The following SOX6 variants were observed in gnomAD, a reference collection of about 807,000 sequenced individuals.
The protein encoded by SOX6 is transcription factor SOX-6.
A neutral mutation model predicts 97.8 loss-of-function variants in SOX6; 11 were observed. That is an observed-to-expected ratio of 0.11 (90% confidence interval 0.07 to 0.19). The LOEUF is 0.19. Ranked by LOEUF, SOX6 falls within the 10% of genes least tolerant of loss-of-function variation. The pLI, the probability that SOX6 is intolerant of heterozygous loss-of-function variation, is 1.00. For missense variants in SOX6, 810 were observed against 1,039.5 expected, an observed-to-expected ratio of 0.78 and a Z score of 3.04; for synonymous variants, 360 against 371.4, an observed-to-expected ratio of 0.97 and a Z score of 0.35.
intron 4 of SOX6, among the ~76,000 whole-genome samples, chr11:16,211,216 G>T (rs1852217878): frequency 6.6e-6 from 1 of 152,050 alleles, no homozygotes; most frequent in South Asian, 2.1e-4. Flanking sequence ...TAAGCACTCT[G>T]GCCTTTACTT....
intron 4 of SOX6, chr11:16,484,261 G>T: frequency 9.1e-7 from 1 of 1,095,284 alleles, no homozygotes; most frequent in Non-Finnish European, 1.4e-6. Flanking sequence ...TGTCCAGAAT[G>T]TTGGTGTCAC....
intron 4 of SOX6, among the ~76,000 whole-genome samples, chr11:16,544,010 A>G (rs1356978573): frequency 6.6e-6 from 1 of 152,218 alleles, no homozygotes; most frequent in East Asian, 1.9e-4. Context: ...AAATTGAGGT[A>G]GAGCTACACA....
chr11:16,050,579 A>G (rs748909724), intron 10 of SOX6, among the ~76,000 whole-genome samples: 2 of 152,180 alleles, frequency 1.3e-5, no homozygotes, highest in Non-Finnish European at 2.9e-5. Flanking sequence ...TACACATACT[A>G]TGCTATATGC....
intron 1 of SOX6, among the ~76,000 whole-genome samples, chr11:16,362,609 G>A (rs1857237574): frequency 6.6e-6 from 1 of 151,966 alleles, no homozygotes; most frequent in Admixed American, 6.6e-5. Context: ...GCATTGCATG[G>A]TATGCTGTAT....
chr11:16,591,338 G>T (rs1315390198), intron 4 of SOX6, among the ~76,000 whole-genome samples: 2 of 103,522 alleles, frequency 1.9e-5, no homozygotes, highest in African/African-American at 3.9e-5. Flanking sequence ...TAGATAGATA[G>T]ATAGATAGAT....
At chr11:16,066,597 C>T (rs1848099742) in intron 9 of SOX6, among the ~76,000 whole-genome samples, 1 of 152,108 alleles carries the variant, frequency 6.6e-6, no homozygotes, top group African/African-American at 2.4e-5. Context: ...TCATTTGCAA[C>T]AACATGATGG....
At chr11:16,490,842 A>T (rs189563310) in intron 4 of SOX6, among the ~76,000 whole-genome samples, 1 of 152,184 alleles carries the variant, frequency 6.6e-6, no homozygotes, top group East Asian at 1.9e-4. Flanking sequence ...ATCATCAACA[A>T]ATTTGACCTA....
At chr11:16,221,430 T>C (rs974697026) in intron 4 of SOX6, among the ~76,000 whole-genome samples, 1 of 150,366 alleles carries the variant, frequency 6.7e-6, no homozygotes, top group Non-Finnish European at 1.5e-5. Flanking sequence ...TGTGATGAAA[T>C]GAGAAGCACT....
chr11:16,550,852 A>G (rs1452095930), intron 4 of SOX6, among the ~76,000 whole-genome samples: 1 of 152,234 alleles, frequency 6.6e-6, no homozygotes, highest in African/African-American at 2.4e-5. Flanking sequence ...AGCTATTTAA[A>G]CAACAGTGGA....
At chr11:16,022,063 C>G (rs996450283) in intron 12 of SOX6, among the ~76,000 whole-genome samples, 10 of 152,222 alleles carry the variant, frequency 6.6e-5, no homozygotes, top group East Asian at 3.9e-4. Flanking sequence ...CCTGTTCCCC[C>G]CTTTGTAAAA....
rs183005245 is a variant in SOX6, at chr11:16,428,473, T to A, written c.-5+47842A>T. ...TATGGTTTTAGGTCTAACATTTAAG[T>A]CTTTAATCCATCTTGAATTAATTTT... On this transcript the variant is annotated intron_variant, in intron 1 of 15. Transcript: ENST00000396356. Among the ~76,000 whole-genome samples, 18 of 152,360 alleles carry A rather than the reference T, an allele frequency of 1.2e-4. 1 individual carries two copies. The highest frequency in any genetic ancestry group is 1.1e-3 in the Admixed American group (17 of 15,308).
intron 1 of SOX6, among the ~76,000 whole-genome samples, chr11:16,341,936 T>C (rs535898184): frequency 3.9e-5 from 6 of 152,024 alleles, no homozygotes; most frequent in Non-Finnish European, 7.4e-5. Context: ...TACTGTTAGA[T>C]TAGTTTTAGG....
At chr11:16,668,623 T>G (rs1401096845) in intron 3 of SOX6, among the ~76,000 whole-genome samples, 1 of 152,110 alleles carries the variant, frequency 6.6e-6, no homozygotes, top group Non-Finnish European at 1.5e-5. Flanking sequence ...ATGAATGGAT[T>G]AAACAAATAA....
intron 6 of SOX6, among the ~76,000 whole-genome samples, chr11:16,177,185 G>A (rs115592663): frequency 0.012 from 1,831 of 151,966 alleles, 36 homozygotes; most frequent in African/African-American, 0.042. Context: ...TTTAAAGTAT[G>A]GCTTATGATA....
intron 4 of SOX6, among the ~76,000 whole-genome samples, chr11:16,490,829 A>T (rs1860500439): frequency 6.6e-6 from 1 of 152,104 alleles, no homozygotes; most frequent in African/African-American, 2.4e-5. Flanking sequence ...AGACTTAATT[A>T]ATATCATCAA....
At chr11:16,402,550 A>C (rs780689507) in intron 1 of SOX6, 64 of 1,155,858 alleles carry the variant, frequency 5.5e-5, no homozygotes, top group Non-Finnish European at 8.0e-5. Flanking sequence ...CAAACCACCC[A>C]AAGCACACTG....
chr11:16,342,091 T>C (rs1293399608), intron 1 of SOX6, among the ~76,000 whole-genome samples: 3 of 151,994 alleles, frequency 2.0e-5, no homozygotes, highest in African/African-American at 7.2e-5. Context: ...AAATACAATA[T>C]TGAACATTCA....
intron 3 of SOX6, 23 bp from the exon 4 acceptor site, chr11:16,234,694 A>G: frequency 7.8e-7 from 1 of 1,280,754 alleles, no homozygotes; most frequent in South Asian, 1.4e-5. Flanking sequence ...AAAAGTAAGT[A>G]TTAAAAATAT....
chr11:16,084,968 C>T (rs4434966), intron 9 of SOX6, among the ~76,000 whole-genome samples: 152,291 of 152,330 alleles, frequency 1, 76,126 homozygotes, highest in Middle Eastern at 1. Flanking sequence ...GATAAATGAA[C>T]GGAGAAGTGA....
Sources: allele counts gnomAD v4.1 joint callset (sites outside exome capture counted in the v4.1 genomes callset), GRCh38; gene constraint gnomAD v4.1.1; transcripts MANE v1.5; gene names NCBI Gene and HGNC (gene_info 2026-07-23, HGNC 2026-07-21).